CDH19: variants seen among roughly 807,000 people sequenced by gnomAD.
The protein encoded by CDH19 is cadherin 19, also known as cadherin-19.
In CDH19, 67 loss-of-function variants were observed where a neutral mutation model predicts 64.2. The ratio of observed to expected loss-of-function variants is 1.04; its 90% CI spans 0.86 to 1.28. The LOEUF is 1.28. Ranked by LOEUF, CDH19 falls within the 50% of genes most tolerant of loss-of-function variation. The probability of loss-of-function intolerance (pLI) is 0.00; values close to 1 mark genes in which losing one functional copy is unlikely to be tolerated. For synonymous variants in CDH19, 346 were observed against 319.3 expected (o/e 1.08, Z -0.89); for missense variants, 1,030 against 929.0 (o/e 1.11, Z -1.41).
intron 7 of CDH19, among the ~76,000 whole-genome samples, chr18:66,543,048 C>A (rs918990743): frequency 6.6e-6 from 1 of 152,136 alleles, no homozygotes; most frequent in Admixed American, 6.5e-5. Context: ...GTCGTTGAGA[C>A]GGAGTCTCGC....
At position 66,504,781 on chromosome 18, in the gene CDH19, G is replaced by A; in HGVS notation, c.*31C>T. ...TACCATTGGGTTCGAATACACATTA[G>A]CACTTTTAAAAATTTTGATGGTAAA... is the stretch of plus-strand genomic sequence containing the variant. On this transcript the variant is annotated 3_prime_UTR_variant, in exon 12 of 12. Coordinates refer to ENST00000262150, the MANE Select transcript of CDH19 (RefSeq NM_021153.4). 6.4e-7 allele frequency: 1 copy of A among 1,566,532 alleles called. No homozygotes were observed. Among genetic ancestry groups the A allele is most frequent in the South Asian group, 1.2e-5 (1 of 84,968 alleles).
rs1985423500 is a variant in CDH19, at chr18:66,510,508, A to G, written c.1576+1060T>C. 2.0e-5 allele frequency among the ~76,000 whole-genome samples: 3 copies of G among 147,532 alleles called. No individual in the cohort carries two copies. The South Asian group carries it at 6.3e-4, about 31-fold the overall frequency. On this transcript the variant is annotated intron_variant, in intron 10 of 11. Transcript: ENST00000262150. Reference sequence around the variant, plus strand: ...TAGATTCATTTATATTAATATATGTATTTTAAAATATAATTTTTAACTTAG... The same window carrying G: ...TAGATTCATTTATATTAATATATGTGTTTTAAAATATAATTTTTAACTTAG...
Position 66,593,350 on chromosome 18 carries a change from T to C in CDH19, c.-113+10604A>G, listed in dbSNP as rs570563025. ...TCTATCTTAAAGAAATAAATTGATATCTAAAATGTTCTTATACAAAAAAAT... is the reference window on the plus strand; with the variant it reads ...TCTATCTTAAAGAAATAAATTGATACCTAAAATGTTCTTATACAAAAAAAT... On this transcript the variant is annotated intron_variant, in intron 1 of 11. Coordinates refer to ENST00000262150, the MANE Select transcript of CDH19 (RefSeq NM_021153.4). Among the ~76,000 whole-genome samples the C allele has an allele frequency of 2.6e-3, 394 of 152,124 alleles. 3 individuals are homozygous for C. The highest frequency in any genetic ancestry group is 8.5e-3 in the African/African-American group (354 of 41,566).
chr18:66,545,948 C>CTT (rs11450520), intron 5 of CDH19, among the ~76,000 whole-genome samples: 170 of 149,932 alleles, frequency 1.1e-3, no homozygotes, highest in South Asian at 6.7e-3. Flanking sequence ...TTGCTGGGCA[C>CTT]TTTTTTTTTT....
chr18:66,555,592 G>C (rs747030004), intron 3 of CDH19, among the ~76,000 whole-genome samples: 1 of 151,538 alleles, frequency 6.6e-6, no homozygotes, highest in African/African-American at 2.4e-5. Flanking sequence ...AATTTTATGG[G>C]TAATACTTTT....
chr18:66,577,181 A>G (rs1435423292), intron 1 of CDH19, among the ~76,000 whole-genome samples: 1 of 151,892 alleles, frequency 6.6e-6, no homozygotes, highest in East Asian at 1.9e-4. Context: ...CAATTAAATT[A>G]AAATTAAAAT....
Position 66,508,342 on chromosome 18 carries a change from TTAATAA to T in CDH19, c.1828+647_1828+652del, listed in dbSNP as rs1985302328. Among the ~76,000 whole-genome samples, 3 of 151,270 alleles carry T rather than the reference TTAATAA, an allele frequency of 2.0e-5. No homozygotes were observed. The South Asian group carries it at 6.2e-4, about 31-fold the overall frequency. ...CTATTTTACCACATGGTAACTATAG[TTAATAA>T]TAAGGTATTTTATACTCGAAAATTG... is the stretch of plus-strand genomic sequence containing the variant. On this transcript the variant is annotated intron_variant, in intron 11 of 11. Transcript: ENST00000262150.
chr18:66,511,525 T>A (rs1490666948), intron 10 of CDH19, 43 bp downstream of exon 10: 1 of 824,870 alleles, frequency 1.2e-6, no homozygotes. Flanking sequence ...CTAACATGAG[T>A]CACAAAAATG....
intron 1 of CDH19, among the ~76,000 whole-genome samples, chr18:66,583,091 C>T (rs1599034588): frequency 6.6e-6 from 1 of 152,040 alleles, no homozygotes; most frequent in Admixed American, 6.6e-5. Flanking sequence ...TTGCCTAAAA[C>T]ACCTTTATCA....
intron 9 of CDH19, among the ~76,000 whole-genome samples, chr18:66,527,757 T>C (rs1986281152): frequency 6.6e-6 from 1 of 151,506 alleles, no homozygotes; most frequent in Non-Finnish European, 1.5e-5. Context: ...TCCATCTATA[T>C]ATATATATAA....
At chr18:66,586,611 C>T (rs1316105555) in intron 1 of CDH19, among the ~76,000 whole-genome samples, 1 of 151,920 alleles carries the variant, frequency 6.6e-6, no homozygotes, top group African/African-American at 2.4e-5. Flanking sequence ...AAAAGCACCT[C>T]TGTAGTACCA....
At chr18:66,540,073 T>TTCTC (rs150057094) in intron 7 of CDH19, among the ~76,000 whole-genome samples, 2 of 149,610 alleles carry the variant, frequency 1.3e-5, no homozygotes, top group Non-Finnish European at 3.0e-5. Context: ...AATTTTTGTC[T>TTCTC]TCTCTCTCTC....
intron 9 of CDH19, among the ~76,000 whole-genome samples, chr18:66,520,341 G>GTTTTTT (rs368834150): frequency 7.5e-6 from 1 of 132,966 alleles, no homozygotes; most frequent in African/African-American, 2.8e-5. Context: ...GAAAATAGCT[G>GTTTTTT]TTTTTTTTTT....
rs535975922 is a variant in CDH19, at chr18:66,508,857, C to G, written c.1828+138G>C. On this transcript the variant is annotated intron_variant, in intron 11 of 11. Transcript: ENST00000262150. The stretch of plus-strand genomic sequence containing the variant: ...AGGAGCAATAAACGTACACACAGAC[C>G]CACATTATAATGCTATAATAGAATT... 46 of 895,026 alleles carry G rather than the reference C, an allele frequency of 5.1e-5. No homozygotes were observed. In the South Asian group the frequency reaches 8.7e-4, roughly 17 times the overall value. 55.4% of individuals were successfully genotyped at this position (895,026 alleles called of 1,614,324 possible). A position where few individuals can be genotyped will look rare whatever the true frequency, so the allele number is the denominator to read the frequency against.
intron 5 of CDH19, among the ~76,000 whole-genome samples, chr18:66,550,471 A>C (rs1273508406): frequency 6.6e-6 from 1 of 152,164 alleles, no homozygotes; most frequent in Non-Finnish European, 1.5e-5. Flanking sequence ...AAAGAGAATT[A>C]AGTTTGCAGA....
At chr18:66,520,370 T>C (rs1301129098) in intron 9 of CDH19, among the ~76,000 whole-genome samples, 1 of 148,722 alleles carries the variant, frequency 6.7e-6, no homozygotes, top group Non-Finnish European at 1.5e-5. Context: ...AGTTTTCTGA[T>C]GCTGTAGCAC....
At chr18:66,508,915 T>C in intron 11 of CDH19, 80 bp downstream of exon 11, 1 of 1,371,014 alleles carries the variant, frequency 7.3e-7, no homozygotes, top group Non-Finnish European at 1.0e-6. Context: ...TTTAAATAAA[T>C]GAGTATATGT....
chr18:66,544,975 T>G, intron 5 of CDH19, 72 bp from the exon 6 acceptor site: 2 of 1,133,610 alleles, frequency 1.8e-6, no homozygotes, highest in Non-Finnish European at 2.4e-6. Flanking sequence ...AGTTTTTTGT[T>G]TGTTTGTTTG....
intron 9 of CDH19, among the ~76,000 whole-genome samples, chr18:66,518,928 T>A (rs555951195): frequency 6.6e-6 from 1 of 152,322 alleles, no homozygotes; most frequent in South Asian, 2.1e-4. Flanking sequence ...GTAAACCCTG[T>A]GCATGCAGTC....
Sources: gnomAD v4.1 joint callset for allele counts (sites outside exome capture counted in the v4.1 genomes callset) on GRCh38, gnomAD v4.1.1 for gene constraint, MANE v1.5 for transcripts, NCBI Gene and HGNC (gene_info 2026-07-23, HGNC 2026-07-21) for gene names.